SCN8A: variants seen among roughly 807,000 people sequenced by gnomAD.
SCN8A encodes the protein sodium voltage-gated channel alpha subunit 8.
SCN8A carries 30 observed loss-of-function variants against 184.1 expected under a neutral mutation model. The observed-to-expected ratio is 0.16, with a 90% CI of 0.12 to 0.22. SCN8A has a LOEUF of 0.22. Among genes scored for constraint, SCN8A ranks in the 10% least tolerant of loss-of-function variants. SCN8A has a pLI of 1.00. For synonymous variants in SCN8A, 852 were observed against 907.0 expected, an observed-to-expected ratio of 0.94 and a Z score of 1.09; for missense variants, 1,057 against 2,498.9, an observed-to-expected ratio of 0.42 and a Z score of 12.30.
At position 51,712,418 on chromosome 12, in the gene SCN8A, T is replaced by A. The variant is rs1941893306; in HGVS notation, c.1635+5703T>A. On this transcript the variant is annotated intron_variant, in intron 11 of 26. Transcript: ENST00000627620. ...AACCTGCAGCTTTCCTGACAGCTCC[T>A]CGCGCTCTCTCCTGCTGAGAACTGT... is the stretch of plus-strand genomic sequence containing the variant. 8 of 756,852 alleles carry A rather than the reference T, an allele frequency of 1.1e-5. No individual in the cohort carries two copies. The Admixed American group carries it at 1.4e-4, about 13-fold the overall frequency. The allele number at this position is 756,852 out of a possible 1,614,324, so 46.9% of individuals were successfully genotyped here.
chr12:51,701,050 A>C, intron 7 of SCN8A, 94 bp from the exon 8 acceptor site: 1 of 779,306 alleles, frequency 1.3e-6, no homozygotes, highest in South Asian at 1.7e-5. Context: ...AAAGTCAATA[A>C]CTTTCTGCTG....
chr12:51,694,211 G>A (rs1331105575), intron 6 of SCN8A, among the ~76,000 whole-genome samples: 1 of 152,222 alleles, frequency 6.6e-6, no homozygotes, highest in Non-Finnish European at 1.5e-5. Context: ...GAGATTACAA[G>A]TGTGAGCCAC....
intron 26 of SCN8A, among the ~76,000 whole-genome samples, chr12:51,801,926 G>A (rs1289558712): frequency 1.3e-5 from 2 of 152,114 alleles, no homozygotes; most frequent in African/African-American, 4.8e-5. Context: ...ATGGTGGCAT[G>A]CACCTGTAAC....
intron 6 of SCN8A, among the ~76,000 whole-genome samples, chr12:51,690,415 C>T (rs1442544892): frequency 1.3e-5 from 2 of 152,116 alleles, no homozygotes; most frequent in Non-Finnish European, 2.9e-5. Context: ...TGGAGTGGTA[C>T]GATGATGGCT....
chr12:51,801,102 C>G (rs931481339), intron 26 of SCN8A, among the ~76,000 whole-genome samples: 2 of 152,152 alleles, frequency 1.3e-5, no homozygotes, highest in Non-Finnish European at 2.9e-5. Context: ...ATCAATTTCA[C>G]TTCTAGGAAC....
chr12:51,794,361 TC>T lies in SCN8A; in HGVS notation c.4525-8del. ...TGAATCTTTTATCTTTTCCTTCCCT[TC>T]CTCCCCAGAACAAAATCCAAGGAAT... On this transcript the variant is annotated splice_polypyrimidine_tract_variant and intron_variant, in intron 25 of 26. Coordinates refer to ENST00000627620, the MANE Select transcript of SCN8A (RefSeq NM_001330260.2). 6.2e-7 allele frequency: 1 copy of T among 1,604,190 alleles called. No individual in the cohort carries two copies. The highest frequency in any genetic ancestry group is 1.7e-5 in the Admixed American group (1 of 59,526).
intron 1 of SCN8A, among the ~76,000 whole-genome samples, chr12:51,611,050 T>A (rs951164159): frequency 1.1e-4 from 17 of 152,240 alleles, no homozygotes; most frequent in Admixed American, 5.9e-4. Context: ...TGAGAATTTA[T>A]ATCTTAACTA....
At chr12:51,760,227 C>T (rs546981584) in intron 14 of SCN8A, among the ~76,000 whole-genome samples, 1 of 152,326 alleles carries the variant, frequency 6.6e-6, no homozygotes, top group South Asian at 2.1e-4. Flanking sequence ...ACAGTGCAAA[C>T]AAGAGCATCA....
intron 21 of SCN8A, among the ~76,000 whole-genome samples, chr12:51,784,774 CT>C (rs1330402243): frequency 6.6e-6 from 1 of 152,118 alleles, no homozygotes; most frequent in African/African-American, 2.4e-5. Flanking sequence ...TGTTTCTTCC[CT>C]ATGGTAAATA....
intron 25 of SCN8A, among the ~76,000 whole-genome samples, chr12:51,791,123 G>A (rs1304163883): frequency 1.3e-5 from 2 of 152,038 alleles, no homozygotes; most frequent in South Asian, 2.1e-4. Context: ...CCATATATCC[G>A]GTTGGATGGG....
intron 1 of SCN8A, among the ~76,000 whole-genome samples, chr12:51,648,302 A>G (rs764103889): frequency 1.3e-5 from 2 of 152,214 alleles, no homozygotes; most frequent in African/African-American, 2.4e-5. Context: ...TCCTGGCCTC[A>G]AGAAACCCTC....
intron 19 of SCN8A, among the ~76,000 whole-genome samples, chr12:51,772,768 C>T (rs1298757091): frequency 6.7e-6 from 1 of 149,196 alleles, no homozygotes; most frequent in African/African-American, 2.5e-5. Flanking sequence ...ATCACGAAGT[C>T]AGGAGATTGA....
chr12:51,700,351 G>A (rs976046211), intron 7 of SCN8A, among the ~76,000 whole-genome samples: 6 of 152,032 alleles, frequency 3.9e-5, no homozygotes, highest in Admixed American at 6.6e-5. Flanking sequence ...TTGAAATTCA[G>A]GCTTAGAAGC....
intron 1 of SCN8A, among the ~76,000 whole-genome samples, chr12:51,637,419 C>G (rs922790337): frequency 1.1e-4 from 17 of 152,162 alleles, no homozygotes; most frequent in African/African-American, 9.7e-5. Flanking sequence ...GCCAGTTAAC[C>G]AAGTTGTTAA....
intron 11 of SCN8A, chr12:51,713,118 A>C: frequency 8.0e-7 from 1 of 1,252,970 alleles, no homozygotes; most frequent in Non-Finnish European, 1.2e-6. Flanking sequence ...TCTTTTTTCC[A>C]CTCTGCCTCT....
chr12:51,617,402 T>G (rs1345200599), intron 1 of SCN8A, among the ~76,000 whole-genome samples: 2 of 152,214 alleles, frequency 1.3e-5, no homozygotes, highest in Non-Finnish European at 2.9e-5. Flanking sequence ...ATCCAATGAA[T>G]TTTAAAATTT....
In SCN8A at chr12:51,789,270, T is replaced by C; in HGVS notation, c.4282-11T>C. 6.2e-7 allele frequency: 1 copy of C among 1,613,802 alleles called. No homozygotes were observed. Among genetic ancestry groups the C allele is most frequent in the Non-Finnish European group, 8.5e-7 (1 of 1,179,772 alleles). The stretch of plus-strand genomic sequence containing the variant: ...AGCTGATTCTCTTCCTTTTATCCTG[T>C]CCTTTGACAGCCTGATGAGCAGCCT... On this transcript the variant is annotated splice_polypyrimidine_tract_variant and intron_variant, in intron 23 of 26. Coordinates refer to ENST00000627620, the MANE Select transcript of SCN8A (RefSeq NM_001330260.2).
chr12:51,709,312 G>C (rs1480714000), intron 11 of SCN8A, among the ~76,000 whole-genome samples: 1 of 152,168 alleles, frequency 6.6e-6, no homozygotes, highest in African/African-American at 2.4e-5. Flanking sequence ...GAAACCATGA[G>C]ACTTGTGGAG....
chr12:51,721,933 G>A (rs1183628348), intron 12 of SCN8A, 25 bp downstream of exon 12: 3 of 1,599,422 alleles, frequency 1.9e-6, no homozygotes, highest in Non-Finnish European at 2.5e-6. Flanking sequence ...GGCAGCTACC[G>A]ATGACAGTGT....
Sources: gnomAD v4.1 joint callset for allele counts (sites outside exome capture counted in the v4.1 genomes callset) on GRCh38, gnomAD v4.1.1 for gene constraint, MANE v1.5 for transcripts, NCBI Gene and HGNC (gene_info 2026-07-23, HGNC 2026-07-21) for gene names.